The following FABP6 variants were observed in gnomAD, a reference collection of about 807,000 sequenced individuals.
The protein encoded by FABP6 is fatty acid binding protein 6.
FABP6 carries 13 observed loss-of-function variants against 14.9 expected under a neutral mutation model. The ratio of observed to expected loss-of-function variants is 0.87; its 90% CI spans 0.57 to 1.39. The LOEUF (loss-of-function observed/expected upper bound fraction) is 1.39. Ranked by LOEUF, FABP6 falls within the 40% of genes most tolerant of loss-of-function variation. The probability of loss-of-function intolerance (pLI) is 0.00; values close to 1 mark genes in which losing one functional copy is unlikely to be tolerated. For missense variants in FABP6, 161 were observed against 167.2 expected, an observed-to-expected ratio of 0.96 and a Z score of 0.20; for synonymous variants, 75 against 63.6, an observed-to-expected ratio of 1.18 and a Z score of -0.85.
chr5:160,225,654 C>A (rs1166659734), upstream of FABP6, among the ~76,000 whole-genome samples: 1 of 152,094 alleles, frequency 6.6e-6, no homozygotes, highest in Non-Finnish European at 1.5e-5. Flanking sequence ...CCTGCCTCAG[C>A]CTCCCAAAGT....
At chr5:160,201,304 G>A (rs1175483207) in intron 2 of FABP6, among the ~76,000 whole-genome samples, 1 of 151,392 alleles carries the variant, frequency 6.6e-6, no homozygotes, top group Admixed American at 6.6e-5. Flanking sequence ...GCTGCAGTGA[G>A]TCAAGATCGC....
chr5:160,227,932 C>A (rs552668035), upstream of FABP6, among the ~76,000 whole-genome samples: 4 of 150,884 alleles, frequency 2.7e-5, no homozygotes, highest in Non-Finnish European at 5.9e-5. Flanking sequence ...GAGATTAAAG[C>A]CTGGTAAAAT....
Position 160,229,582 on chromosome 5 carries a change from A to G in FABP6, c.25A>G (p.Met9Val). ...CATGGCTTTCACCGGCAAGTTCGAG[A>G]TGGAGAGTGAGAAGAATTATGATGA... Reference protein sequence around the residue: MAFTGKFEMESEKNYDEFM... With the variant: MAFTGKFEVESEKNYDEFM... The change falls in exon 1 of 4, where the codon ATG becomes GTG. Residue 9 changes from methionine to valine, a missense_variant. By Grantham distance (21) the Met-to-Val change is conservative. Transcript: ENST00000402432. 1 of 1,613,968 alleles carries G rather than the reference A, an allele frequency of 6.2e-7. No homozygotes were observed. Among genetic ancestry groups the G allele is most frequent in the Non-Finnish European group, 8.5e-7 (1 of 1,179,950 alleles).
chr5:160,236,358 C>A (rs1760515108), intron 3 of FABP6, among the ~76,000 whole-genome samples: 1 of 152,066 alleles, frequency 6.6e-6, no homozygotes, highest in Non-Finnish European at 1.5e-5. Context: ...CATGGGGACT[C>A]CACTCTCATA....
Position 160,191,074 on chromosome 5 carries a change from A to T in FABP6, c.-59+3620A>T, listed in dbSNP as rs2113049757. Among the ~76,000 whole-genome samples, 3 of 144,000 alleles carry T rather than the reference A, an allele frequency of 2.1e-5. No individual in the cohort carries two copies. In the East Asian group the frequency reaches 6.1e-4, roughly 29 times the overall value. 94.5% of individuals were successfully genotyped at this position (144,000 alleles called of 152,430 possible). On this transcript the variant is annotated intron_variant, in intron 1 of 6. Transcript: ENST00000393980. ...ACCGCACTCCAGCCTAGGCAACAAG[A>T]GCAAGACTCCATCTGGAAAAAAAAA...
upstream of FABP6, among the ~76,000 whole-genome samples, chr5:160,225,929 T>G (rs568584877): frequency 6.6e-6 from 1 of 152,054 alleles, no homozygotes; most frequent in East Asian, 1.9e-4. Flanking sequence ...ATACCCGCAT[T>G]TTGGGAGGCC....
chr5:160,188,767 G>C (rs185997686), intron 1 of FABP6, among the ~76,000 whole-genome samples: 2 of 152,198 alleles, frequency 1.3e-5, no homozygotes, highest in Non-Finnish European at 2.9e-5. Flanking sequence ...TCTAAAAAGA[G>C]GGGGCTGGAC....
At chr5:160,233,277 G>C (rs755937918) in intron 2 of FABP6, among the ~76,000 whole-genome samples, 132 of 151,988 alleles carry the variant, frequency 8.7e-4, no homozygotes, top group Middle Eastern at 3.4e-3. Context: ...ACCGTGCCCA[G>C]CCATAAGTGC....
At chr5:160,228,322 C>T (rs985860264), upstream of FABP6, among the ~76,000 whole-genome samples, 3 of 150,814 alleles carry the variant, frequency 2.0e-5, no homozygotes, top group Admixed American at 1.3e-4. Context: ...ACCCGGGAGG[C>T]GGAGGTTGCA....
intron 2 of FABP6, among the ~76,000 whole-genome samples, chr5:160,233,879 GAA>G (rs59415943): frequency 0.031 from 4,476 of 145,304 alleles, 92 homozygotes; most frequent in Non-Finnish European, 0.047. Context: ...CTCAAAAAAA[GAA>G]AAAAAAAAAA....
At chr5:160,230,166 A>T (rs1760346654) in intron 1 of FABP6, among the ~76,000 whole-genome samples, 1 of 151,802 alleles carries the variant, frequency 6.6e-6, no homozygotes, top group Non-Finnish European at 1.5e-5. Flanking sequence ...TACAGGCGTG[A>T]GCTGCCGCAC....
At chr5:160,193,977 C>T (rs1225745294) in intron 1 of FABP6, among the ~76,000 whole-genome samples, 1 of 152,242 alleles carries the variant, frequency 6.6e-6, no homozygotes, top group Non-Finnish European at 1.5e-5. Flanking sequence ...TCGGGCTGCA[C>T]AGGTGCCCAC....
At chr5:160,230,604 C>T (rs1760356452) in intron 1 of FABP6, among the ~76,000 whole-genome samples, 1 of 152,116 alleles carries the variant, frequency 6.6e-6, no homozygotes, top group East Asian at 1.9e-4. Flanking sequence ...TCAGGTGATC[C>T]ACCCACCTCG....
At chr5:160,228,454 TC>T (rs1561754495), upstream of FABP6, 2 of 456,242 alleles carry the variant, frequency 4.4e-6, no homozygotes, top group Non-Finnish European at 8.8e-6. Flanking sequence ...CTTTGCACTG[TC>T]AATTTTGCCC....
At chr5:160,233,880 A>G (rs10069216) in intron 2 of FABP6, among the ~76,000 whole-genome samples, 61 of 21,858 alleles carry the variant, frequency 2.8e-3, no homozygotes, top group South Asian at 8.1e-3. Flanking sequence ...TCAAAAAAAG[A>G]AAAAAAAAAA....
intron 1 of FABP6, among the ~76,000 whole-genome samples, chr5:160,190,841 G>A (rs186874494): frequency 7.2e-5 from 11 of 152,208 alleles, no homozygotes; most frequent in Admixed American, 4.6e-4. Flanking sequence ...GGCCGGGCAC[G>A]GTGGCTCATG....
intron 3 of FABP6, among the ~76,000 whole-genome samples, chr5:160,214,804 G>GAAAT (rs34770520): frequency 0.21 from 31,464 of 151,612 alleles, 3,359 homozygotes; most frequent in South Asian, 0.25. Context: ...AAGAAAGAAA[G>GAAAT]AAAGAAAGAA....
At chr5:160,195,649 GTTACTGGTC>G (rs1759495393) in intron 1 of FABP6, 1 of 152,194 alleles carries the variant, frequency 6.6e-6, no homozygotes, top group African/African-American at 2.4e-5. Flanking sequence ...GTTTTGCCTT[GTTACTGGTC>G]TGGAACTCCT....
At chr5:160,218,653 G>T (rs892668752) in intron 3 of FABP6, among the ~76,000 whole-genome samples, 27 of 151,826 alleles carry the variant, frequency 1.8e-4, no homozygotes, top group Admixed American at 6.6e-4. Flanking sequence ...TAGAGACGGG[G>T]TTTCGCCATG....
Sources: gnomAD v4.1 joint callset for allele counts (sites outside exome capture counted in the v4.1 genomes callset) on GRCh38, gnomAD v4.1.1 for gene constraint, MANE v1.5 for transcripts, NCBI Gene and HGNC (gene_info 2026-07-23, HGNC 2026-07-21) for gene names.